TENT4B: variants seen among roughly 807,000 people sequenced by gnomAD.
TENT4B encodes PAP associated domain containing 5.
In TENT4B, 10 loss-of-function variants were observed where a neutral mutation model predicts 75.0. The observed-to-expected ratio is 0.13, with a 90% CI of 0.08 to 0.23. The LOEUF (loss-of-function observed/expected upper bound fraction) is 0.23. Among genes scored for constraint, TENT4B ranks in the 10% least tolerant of loss-of-function variants. The probability of loss-of-function intolerance (pLI) is 1.00; values close to 1 mark genes in which losing one functional copy is unlikely to be tolerated. For missense variants in TENT4B, 579 were observed against 893.8 expected (o/e 0.65, Z 4.49); for synonymous variants, 350 against 357.7 (o/e 0.98, Z 0.24).
chr16:50,211,272 T>G lies in TENT4B; in HGVS notation c.639-51T>G, dbSNP rs1008706388. On this transcript the variant is annotated intron_variant, in intron 1 of 11. Coordinates refer to ENST00000561678, the MANE Select transcript of TENT4B (RefSeq NM_001365324.3). ...AGATAAGATTATTTAAGATAGTGAT[T>G]TCTCATTAGATTGGCCCTGTTCATA... 7 of 1,514,626 alleles carry G rather than the reference T, an allele frequency of 4.6e-6. No homozygotes were observed. The African/African-American group carries it at 9.9e-5, about 21-fold the overall frequency. 93.8% of individuals were successfully genotyped at this position (1,514,626 alleles called of 1,614,324 possible).
chr16:50,233,061 C>T lies in TENT4B; in HGVS notation c.*3733C>T. ...TTCAGTTATTGGAAAGGCACATTCTCAAAGTATTTTATGAGCAAAATATTC... is the reference window on the plus strand; with the variant it reads ...TTCAGTTATTGGAAAGGCACATTCTTAAAGTATTTTATGAGCAAAATATTC... On this transcript the variant is annotated 3_prime_UTR_variant, in exon 12 of 12. Transcript: ENST00000561678. 1.0e-6 allele frequency: 1 copy of T among 984,922 alleles called. No individual in the cohort carries two copies. Among genetic ancestry groups the T allele is most frequent in the South Asian group, 4.7e-5 (1 of 21,288 alleles). 61.0% of individuals were successfully genotyped at this position (984,922 alleles called of 1,614,324 possible). A position where few individuals can be genotyped will look rare whatever the true frequency, so the allele number is the denominator to read the frequency against.
chr16:50,197,476 A>T (rs1419221003), intron 1 of TENT4B, among the ~76,000 whole-genome samples: 2 of 152,126 alleles, frequency 1.3e-5, no homozygotes, highest in Non-Finnish European at 2.9e-5. Flanking sequence ...TTTTGTAGAC[A>T]TGGGGTTTTG....
intron 3 of TENT4B, among the ~76,000 whole-genome samples, chr16:50,215,537 GA>G (rs1476800236): frequency 6.6e-6 from 1 of 152,130 alleles, no homozygotes; most frequent in South Asian, 2.1e-4. Flanking sequence ...TCAATACAGG[GA>G]AAAGTCTCAG....
At chr16:50,227,797 A>G (rs776243614) in intron 10 of TENT4B, 42 bp from the exon 11 acceptor site, 5 of 1,596,872 alleles carry the variant, frequency 3.1e-6, no homozygotes, top group Non-Finnish European at 4.3e-6. Flanking sequence ...GAGTATCTAA[A>G]TTACTAATAT....
chr16:50,234,056 G>A lies in TENT4B; in HGVS notation c.*4728G>A. The A allele has an allele frequency of 2.0e-6, 2 of 985,414 alleles. No individual in the cohort carries two copies. The highest frequency in any genetic ancestry group is 2.4e-6 in the Non-Finnish European group (2 of 829,936). 61.0% of individuals were successfully genotyped at this position (985,414 alleles called of 1,614,324 possible). A position where few individuals can be genotyped will look rare whatever the true frequency, so the allele number is the denominator to read the frequency against. On this transcript the variant is annotated 3_prime_UTR_variant, in exon 12 of 12. Coordinates refer to ENST00000561678, the MANE Select transcript of TENT4B (RefSeq NM_001365324.3). ...TCTGTGTGGCCTGGTAACATGGAAG[G>A]TCTCTCCTAAGGACAGTCTGGACGT...
intron 1 of TENT4B, among the ~76,000 whole-genome samples, chr16:50,197,604 A>G (rs768907892): frequency 1.1e-4 from 16 of 152,330 alleles, no homozygotes; most frequent in East Asian, 1.9e-4. Flanking sequence ...TTAATTGAGC[A>G]AAGAATGATT....
chr16:50,227,686 TAAAC>T lies in TENT4B; in HGVS notation c.1801-147_1801-144del, dbSNP rs371772410. On this transcript the variant is annotated intron_variant, in intron 10 of 11. Coordinates refer to ENST00000561678, the MANE Select transcript of TENT4B (RefSeq NM_001365324.3). The stretch of plus-strand genomic sequence containing the variant: ...CATTTTAAATGTTTGGAGGAAAATT[TAAAC>T]AAACAGTTAATTTTTTGTGTGCTTC... Among the ~76,000 whole-genome samples, 196 of 152,066 alleles carry T rather than the reference TAAAC, an allele frequency of 1.3e-3. 1 individual carries two copies. The highest frequency in any genetic ancestry group is 4.3e-3 in the African/African-American group (180 of 41,596).
At chr16:50,214,749 A>T (rs983825405) in intron 3 of TENT4B, among the ~76,000 whole-genome samples, 1 of 152,206 alleles carries the variant, frequency 6.6e-6, no homozygotes, top group Non-Finnish European at 1.5e-5. Flanking sequence ...TTACCAAGAC[A>T]TAGATGGTAC....
chr16:50,180,619 G>T (rs1286947219), intron 1 of TENT4B, among the ~76,000 whole-genome samples: 1 of 151,166 alleles, frequency 6.6e-6, no homozygotes, highest in Non-Finnish European at 1.5e-5. Context: ...TGAGGCATGA[G>T]AATCGCTTTA....
chr16:50,225,467 A>G (rs1440525904), intron 10 of TENT4B, among the ~76,000 whole-genome samples, 182 bp downstream of exon 10: 1 of 152,214 alleles, frequency 6.6e-6, no homozygotes, highest in African/African-American at 2.4e-5. Context: ...GCATATAGTA[A>G]AAGTGAACAA....
chr16:50,204,357 C>T (rs765614795), intron 1 of TENT4B, among the ~76,000 whole-genome samples: 1 of 152,020 alleles, frequency 6.6e-6, no homozygotes, highest in Non-Finnish European at 1.5e-5. Context: ...CTCTTGGCTC[C>T]GTAGATGAAG....
intron 1 of TENT4B, among the ~76,000 whole-genome samples, chr16:50,159,288 A>G (rs971738991): frequency 1.4e-5 from 2 of 141,186 alleles, no homozygotes; most frequent in Admixed American, 7.5e-5. Context: ...TGTGTTGCCC[A>G]GGTTGGAGTG....
At chr16:50,152,992 C>G, upstream of TENT4B, 3 of 1,515,974 alleles carry the variant, frequency 2.0e-6, no homozygotes, top group Non-Finnish European at 2.6e-6. Flanking sequence ...GAAGCCGAGG[C>G]GGAGAAGCCG....
chr16:50,177,505 AT>A (rs1174195332), intron 1 of TENT4B, among the ~76,000 whole-genome samples: 1 of 152,102 alleles, frequency 6.6e-6, no homozygotes, highest in Non-Finnish European at 1.5e-5. Context: ...AGGTTATCAA[AT>A]TTGTGGGATT....
At position 50,230,278 on chromosome 16, in the gene TENT4B, T is replaced by A. The variant is rs551670673; in HGVS notation, c.*950T>A. 5 of 973,822 alleles carry A rather than the reference T, an allele frequency of 5.1e-6. No homozygotes were observed. The highest frequency in any genetic ancestry group is 5.2e-4 in the Middle Eastern group (1 of 1,922). 60.3% of individuals were successfully genotyped at this position (973,822 alleles called of 1,614,324 possible). ...TGCTTCCTTTGCAGTCTTTTTTTTT[T>A]CCCCCCATTTCTTCCTAATAGGAAA... On this transcript the variant is annotated 3_prime_UTR_variant, in exon 12 of 12. Coordinates refer to ENST00000561678, the MANE Select transcript of TENT4B (RefSeq NM_001365324.3).
chr16:50,159,352 C>T (rs1414607020), intron 1 of TENT4B, among the ~76,000 whole-genome samples: 1 of 151,120 alleles, frequency 6.6e-6, no homozygotes, highest in East Asian at 2.0e-4. Context: ...TCAAGCAATT[C>T]TCCTGCCTCA....
chr16:50,193,421 T>C (rs1482694919), intron 1 of TENT4B, among the ~76,000 whole-genome samples: 2 of 140,662 alleles, frequency 1.4e-5, no homozygotes, highest in African/African-American at 5.3e-5. Flanking sequence ...CACTGCAACC[T>C]CTGCCTCCTG....
chr16:50,186,603 G>A (rs1390763921), intron 1 of TENT4B, among the ~76,000 whole-genome samples: 2 of 152,034 alleles, frequency 1.3e-5, no homozygotes, highest in African/African-American at 4.8e-5. Flanking sequence ...CCATACCTAG[G>A]AGTGGAATTG....
intron 1 of TENT4B, among the ~76,000 whole-genome samples, chr16:50,202,766 A>G (rs1312156567): frequency 6.6e-6 from 1 of 152,178 alleles, no homozygotes; most frequent in African/African-American, 2.4e-5. Flanking sequence ...TTCTCTCTTT[A>G]TAATCAATTG....
Sources: gnomAD v4.1 joint callset for allele counts (sites outside exome capture counted in the v4.1 genomes callset) on GRCh38, gnomAD v4.1.1 for gene constraint, MANE v1.5 for transcripts, NCBI Gene and HGNC (gene_info 2026-07-23, HGNC 2026-07-21) for gene names.